CAST: variants seen among roughly 807,000 people sequenced by gnomAD.
CAST encodes the protein MIR583 host.
CAST carries 76 observed loss-of-function variants against 119.6 expected under a neutral mutation model. That is an observed-to-expected ratio of 0.64 (90% CI 0.53 to 0.77). The LOEUF (loss-of-function observed/expected upper bound fraction) is 0.77. Among genes scored for constraint, CAST ranks in the 30% least tolerant of loss-of-function variants. CAST has a pLI of 0.00. For synonymous variants in CAST, 319 were observed against 331.6 expected, an observed-to-expected ratio of 0.96 and a Z score of 0.41; for missense variants, 953 against 946.5, an observed-to-expected ratio of 1.01 and a Z score of -0.09.
the CAST span, among the ~76,000 whole-genome samples, chr5:96,369,142 T>A: frequency 6.6e-6 from 1 of 151,618 alleles, no homozygotes. Context: ...ATCTATATAT[T>A]TTATATATTT....
At chr5:96,438,004 A>T in the CAST span, among the ~76,000 whole-genome samples, 6 of 152,168 alleles carry the variant, frequency 3.9e-5, no homozygotes, top group Non-Finnish European at 8.8e-5. Context: ...TCTTTTATAC[A>T]TGATAGCAAT....
intron 1 of CAST, among the ~76,000 whole-genome samples, chr5:96,599,795 T>C (rs1008805871): frequency 1.3e-5 from 2 of 152,156 alleles, no homozygotes; most frequent in Admixed American, 1.3e-4. Context: ...ATTTTCTTTC[T>C]ATTAGTAATT....
At chr5:96,447,908 A>G in the CAST span, among the ~76,000 whole-genome samples, 8 of 152,236 alleles carry the variant, frequency 5.3e-5, no homozygotes, top group Non-Finnish European at 1.0e-4. Context: ...GAAAACATAA[A>G]ACAAGAAGTA....
the CAST span, among the ~76,000 whole-genome samples, chr5:96,139,902 A>G: frequency 1.3e-5 from 2 of 152,164 alleles, no homozygotes; most frequent in Non-Finnish European, 2.9e-5. Context: ...ACATAAATAA[A>G]ATGTGGCTAG....
intron 1 of CAST, among the ~76,000 whole-genome samples, chr5:96,556,634 TG>T (rs1437110428): frequency 6.6e-6 from 1 of 151,840 alleles, no homozygotes; most frequent in Non-Finnish European, 1.5e-5. Flanking sequence ...ATGAATGAAA[TG>T]AAGTGAGAAG....
chr5:96,328,382 C>CTCT, the CAST span, among the ~76,000 whole-genome samples: 573 of 18,942 alleles, frequency 0.03, 106 homozygotes, highest in East Asian at 0.04. Flanking sequence ...CTTCTCTCTC[C>CTCT]CTCTCTCTCT....
the CAST span, among the ~76,000 whole-genome samples, chr5:96,382,389 G>C: frequency 4.6e-5 from 7 of 152,206 alleles, no homozygotes; most frequent in African/African-American, 1.7e-4. Flanking sequence ...TGAAGAATAA[G>C]TGAAACCATC....
the CAST span, among the ~76,000 whole-genome samples, chr5:96,452,673 G>A: frequency 5.1e-5 from 7 of 137,614 alleles, no homozygotes; most frequent in East Asian, 2.1e-4. Flanking sequence ...AAAAGAGGCC[G>A]GGCGCGGTGG....
chr5:96,052,636 C>T, the CAST span, among the ~76,000 whole-genome samples: 2 of 152,180 alleles, frequency 1.3e-5, no homozygotes, highest in Non-Finnish European at 2.9e-5. Flanking sequence ...CTCATTGTTG[C>T]TTCAAATGAT....
At chr5:96,062,345 G>T in the CAST span, among the ~76,000 whole-genome samples, 3 of 152,072 alleles carry the variant, frequency 2.0e-5, no homozygotes, top group Non-Finnish European at 4.4e-5. Flanking sequence ...GTGAGGATGG[G>T]GTGTAAGTGC....
At chr5:96,703,514 T>A (rs1754306460) in intron 3 of CAST, among the ~76,000 whole-genome samples, 1 of 152,224 alleles carries the variant, frequency 6.6e-6, no homozygotes. Context: ...TTTGTGTCTA[T>A]CTTTTAAGAA....
chr5:96,043,386 T>C, the CAST span, among the ~76,000 whole-genome samples: 1 of 152,232 alleles, frequency 6.6e-6, no homozygotes, highest in Non-Finnish European at 1.5e-5. Flanking sequence ...GTCTGTTTAA[T>C]ACAAAATGCC....
chr5:96,240,403 G>A, the CAST span, among the ~76,000 whole-genome samples: 18 of 152,142 alleles, frequency 1.2e-4, no homozygotes, highest in Admixed American at 6.5e-4. Flanking sequence ...CTGGGCAAGC[G>A]TCCGATTTCT....
At chr5:96,015,822 T>C in the CAST span, among the ~76,000 whole-genome samples, 2 of 152,168 alleles carry the variant, frequency 1.3e-5, no homozygotes, top group Admixed American at 6.5e-5. Flanking sequence ...AGAAACTTTC[T>C]GGAGGCCACG....
chr5:96,112,445 T>C, the CAST span, among the ~76,000 whole-genome samples: 2 of 152,178 alleles, frequency 1.3e-5, no homozygotes, highest in Non-Finnish European at 2.9e-5. Flanking sequence ...TCCCATATCC[T>C]CCACTAGGAG....
At chr5:96,562,875 A>G (rs1194694889) in intron 1 of CAST, among the ~76,000 whole-genome samples, 2 of 152,232 alleles carry the variant, frequency 1.3e-5, no homozygotes, top group African/African-American at 4.8e-5. Context: ...TACTACCCCA[A>G]AATATTTTAA....
At chr5:96,505,404 C>T in the CAST span, among the ~76,000 whole-genome samples, 7 of 151,952 alleles carry the variant, frequency 4.6e-5, no homozygotes, top group South Asian at 4.2e-4. Flanking sequence ...CACTTGAACC[C>T]GGGAGGTGGA....
chr5:95,998,305 T>C, the CAST span, among the ~76,000 whole-genome samples: 128 of 151,494 alleles, frequency 8.4e-4, 1 homozygote, highest in African/African-American at 2.6e-3. Flanking sequence ...GTAGATTTCT[T>C]ATATGCATAT....
intron 1 of CAST, among the ~76,000 whole-genome samples, chr5:96,562,275 T>C (rs1048486803): frequency 6.6e-6 from 1 of 152,146 alleles, no homozygotes; most frequent in Non-Finnish European, 1.5e-5. Context: ...TTGCAACTTA[T>C]ATCACAGACA....
Sources: allele counts gnomAD v4.1 joint callset (sites outside exome capture counted in the v4.1 genomes callset), GRCh38; gene constraint gnomAD v4.1.1; transcripts MANE v1.5; gene names NCBI Gene and HGNC (gene_info 2026-07-23, HGNC 2026-07-21).